The following PAFAH2 variants were observed in gnomAD, a reference collection of about 807,000 sequenced individuals.
The protein encoded by PAFAH2 is platelet activating factor acetylhydrolase 2.
Under a neutral mutation model 49.0 loss-of-function variants are expected in PAFAH2, and 42 were observed. The ratio of observed to expected loss-of-function variants is 0.86; its 90% CI spans 0.67 to 1.11. The LOEUF (loss-of-function observed/expected upper bound fraction) is 1.11. Ranked by LOEUF, PAFAH2 falls within the 50% of genes least tolerant of loss-of-function variation. The probability of loss-of-function intolerance (pLI) is 0.00; values close to 1 mark genes in which losing one functional copy is unlikely to be tolerated. For missense variants in PAFAH2, 503 were observed against 501.8 expected (o/e 1.00, Z -0.02); for synonymous variants, 184 against 181.3 (o/e 1.01, Z -0.12).
intron 10 of PAFAH2, among the ~76,000 whole-genome samples, chr1:25,971,387 G>A (rs2049506965): frequency 6.6e-6 from 1 of 152,124 alleles, no homozygotes; most frequent in Non-Finnish European, 1.5e-5. Flanking sequence ...ATATGGCAGT[G>A]AGCAGTGGGA....
At chr1:25,983,630 CAA>C (rs887508234) in intron 6 of PAFAH2, among the ~76,000 whole-genome samples, 20 of 151,598 alleles carry the variant, frequency 1.3e-4, no homozygotes, top group Non-Finnish European at 2.5e-4. Flanking sequence ...ACCCACCAAC[CAA>C]GAGAGAGACA....
intron 8 of PAFAH2, among the ~76,000 whole-genome samples, chr1:25,975,394 A>G (rs2049573352): frequency 2.0e-5 from 3 of 152,010 alleles, no homozygotes; most frequent in Non-Finnish European, 4.4e-5. Flanking sequence ...CCTGGGCAAC[A>G]TAGCAAGACA....
intron 1 of PAFAH2, among the ~76,000 whole-genome samples, chr1:25,995,366 G>A (rs1212977365): frequency 6.6e-6 from 1 of 152,122 alleles, no homozygotes; most frequent in Non-Finnish European, 1.5e-5. Flanking sequence ...CTAGATCTTA[G>A]GTTCCTGAAC....
chr1:25,994,403 A>C (rs1187292251), intron 1 of PAFAH2, among the ~76,000 whole-genome samples: 1 of 152,032 alleles, frequency 6.6e-6, no homozygotes, highest in Non-Finnish European at 1.5e-5. Flanking sequence ...GGTGCTTGGG[A>C]TTACTGGAGT....
At chr1:25,964,959 C>T (rs1164767561) in intron 10 of PAFAH2, among the ~76,000 whole-genome samples, 2 of 152,026 alleles carry the variant, frequency 1.3e-5, no homozygotes, top group Non-Finnish European at 2.9e-5. Context: ...GTCAAAGCAA[C>T]CTTAAGCAAA....
intron 6 of PAFAH2, among the ~76,000 whole-genome samples, chr1:25,983,108 T>A (rs2049718023): frequency 6.6e-6 from 1 of 152,280 alleles, no homozygotes; most frequent in East Asian, 1.9e-4. Context: ...GCTGTGGTTC[T>A]GACTGGGTGC....
intron 1 of PAFAH2, among the ~76,000 whole-genome samples, chr1:25,993,273 T>C (rs1311348479): frequency 6.6e-6 from 1 of 152,226 alleles, no homozygotes; most frequent in Non-Finnish European, 1.5e-5. Context: ...ATTATTCTGC[T>C]TCCTTTAAGA....
intron 10 of PAFAH2, among the ~76,000 whole-genome samples, chr1:25,966,313 C>A (rs912140715): frequency 5.9e-5 from 9 of 152,182 alleles, no homozygotes; most frequent in Non-Finnish European, 1.0e-4. Flanking sequence ...AAGACACCTG[C>A]ACACATATGT....
intron 10 of PAFAH2, among the ~76,000 whole-genome samples, chr1:25,966,892 C>T (rs567339542): frequency 3.1e-4 from 47 of 151,768 alleles, no homozygotes; most frequent in Admixed American, 7.9e-4. Context: ...ATTAGTCGGG[C>T]CTGGTGGTGG....
rs112272969 is a variant in PAFAH2, at chr1:25,995,026, A to C, written c.-48+2999T>G. ...AATTTTGCCAAAGAGACATTTACAC[A>C]AAGCATCCAGAGTCATTTCTAATAA... On this transcript the variant is annotated intron_variant, in intron 1 of 10. Transcript: ENST00000374282. Among the ~76,000 whole-genome samples, 602 of 152,348 alleles carry C rather than the reference A, an allele frequency of 4.0e-3. 2 individuals carry two copies. The highest frequency in any genetic ancestry group is 5.8e-3 in the Non-Finnish European group (394 of 68,034).
chr1:25,962,181 C>A (rs965526053), intron 10 of PAFAH2, 98 bp from the exon 11 acceptor site: 2 of 905,378 alleles, frequency 2.2e-6, no homozygotes, highest in Non-Finnish European at 3.4e-6. Flanking sequence ...GAGAGAGGAG[C>A]GCCTGGGATA....
At chr1:25,986,459 C>A (rs2049782605) in intron 4 of PAFAH2, among the ~76,000 whole-genome samples, 1 of 152,138 alleles carries the variant, frequency 6.6e-6, no homozygotes, top group African/African-American at 2.4e-5. Flanking sequence ...AAGGAACAGG[C>A]CTAGAAACTT....
intron 7 of PAFAH2, among the ~76,000 whole-genome samples, chr1:25,978,337 C>T (rs1218702423): frequency 6.6e-6 from 1 of 152,122 alleles, no homozygotes; most frequent in Non-Finnish European, 1.5e-5. Flanking sequence ...TTCTTATGTG[C>T]CCCTAAGGAG....
At position 25,979,319 on chromosome 1, in the gene PAFAH2, CT is replaced by C. The variant is rs68030738; in HGVS notation, c.667-2547del. On this transcript the variant is annotated intron_variant, in intron 7 of 10. Coordinates refer to ENST00000374282, the MANE Select transcript of PAFAH2 (RefSeq NM_000437.4). Reference sequence around the variant, plus strand: ...ACTGTAGCCTGCCATTTACCAATGCCTTTTTTTTTTTTTTTTGAGATAGTCT... The same window carrying C: ...ACTGTAGCCTGCCATTTACCAATGCCTTTTTTTTTTTTTTTGAGATAGTCT... Among the ~76,000 whole-genome samples, 454 of 62,160 alleles carry C rather than the reference CT, an allele frequency of 7.3e-3. 2 individuals are homozygous for C. Among genetic ancestry groups the C allele is most frequent in the Middle Eastern group, 0.028 (3 of 106 alleles). 40.8% of individuals were successfully genotyped at this position (62,160 alleles called of 152,430 possible).
chr1:25,988,196 G>A (rs1388923042), intron 4 of PAFAH2, 35 bp downstream of exon 4: 1 of 1,364,624 alleles, frequency 7.3e-7, no homozygotes, highest in Non-Finnish European at 1.0e-6. Flanking sequence ...ACCAGGCAAG[G>A]AGTATGGCAA....
chr1:25,977,290 C>T (rs572454034), intron 7 of PAFAH2, among the ~76,000 whole-genome samples: 20 of 151,490 alleles, frequency 1.3e-4, no homozygotes, highest in South Asian at 4.2e-4. Context: ...TGAGCCACCG[C>T]GCCCGGCTCA....
Position 25,961,802 on chromosome 1 carries a change from C to A in PAFAH2, c.*187G>T. On this transcript the variant is annotated 3_prime_UTR_variant, in exon 11 of 11. Coordinates refer to ENST00000374282, the MANE Select transcript of PAFAH2 (RefSeq NM_000437.4). Reference sequence around the variant, plus strand: ...TTGTCAATCAGCAAGGGATCCCAGTCCCAAAGTGATTTTAAGATCAAATCT... The same window carrying A: ...TTGTCAATCAGCAAGGGATCCCAGTACCAAAGTGATTTTAAGATCAAATCT... 1.9e-6 allele frequency: 1 copy of A among 521,708 alleles called. No homozygotes were observed. Among genetic ancestry groups the A allele is most frequent in the Admixed American group, 3.4e-5 (1 of 29,582 alleles). The allele number at this position is 521,708 out of a possible 1,614,324, so 32.3% of individuals were successfully genotyped here. A position where few individuals can be genotyped will look rare whatever the true frequency, so the allele number is the denominator to read the frequency against.
At chr1:25,985,594 G>A (rs928256672) in intron 4 of PAFAH2, among the ~76,000 whole-genome samples, 3 of 152,298 alleles carry the variant, frequency 2.0e-5, no homozygotes, top group South Asian at 4.1e-4. Context: ...ATACCTGTTG[G>A]CCTAGGAGGA....
intron 9 of PAFAH2, among the ~76,000 whole-genome samples, chr1:25,973,080 A>G (rs2049535046): frequency 6.6e-6 from 1 of 152,218 alleles, no homozygotes; most frequent in African/African-American, 2.4e-5. Context: ...ACTACAATCT[A>G]TTAGCTGTGG....
Sources: allele counts gnomAD v4.1 joint callset (sites outside exome capture counted in the v4.1 genomes callset), GRCh38; gene constraint gnomAD v4.1.1; transcripts MANE v1.5; gene names NCBI Gene and HGNC (gene_info 2026-07-23, HGNC 2026-07-21).